The following COL25A1 variants were observed in gnomAD, a reference collection of about 807,000 sequenced individuals.
The protein encoded by COL25A1 is collagen type XXV alpha 1 chain.
A neutral mutation model predicts 128.4 loss-of-function variants in COL25A1; 103 were observed. The ratio of observed to expected loss-of-function variants is 0.80; its 90% CI spans 0.68 to 0.94. COL25A1 has a LOEUF of 0.94. COL25A1 is among the 40% of genes least tolerant of loss of function. COL25A1 has a pLI of 0.00. For synonymous variants in COL25A1, 279 were observed against 277.2 expected (o/e 1.01, Z -0.06); for missense variants, 745 against 840.0 (o/e 0.89, Z 1.40).
At position 109,089,696 on chromosome 4, in the gene COL25A1, C is replaced by T. The variant is rs28662207; in HGVS notation, c.368-39517G>A. Among the ~76,000 whole-genome samples the T allele has an allele frequency of 9.3e-3, 1,412 of 152,226 alleles. 24 individuals are homozygous for T. Among genetic ancestry groups the T allele is most frequent in the African/African-American group, 0.032 (1,333 of 41,532 alleles). On this transcript the variant is annotated intron_variant, in intron 3 of 37. Transcript: ENST00000399132. Reference sequence around the variant, plus strand: ...TCTCGGCTCACTGAAACCTCTGCCTCCTGAACTCAAGTGATTCTCCCAGTT... The same window carrying T: ...TCTCGGCTCACTGAAACCTCTGCCTTCTGAACTCAAGTGATTCTCCCAGTT...
chr4:109,165,098 G>T (rs1370217320), intron 3 of COL25A1, among the ~76,000 whole-genome samples: 2 of 152,290 alleles, frequency 1.3e-5, no homozygotes, highest in East Asian at 1.9e-4. Context: ...CATAGAACTA[G>T]ACTGTGTATT....
At chr4:109,045,916 C>T (rs75796260) in intron 5 of COL25A1, among the ~76,000 whole-genome samples, 5 of 152,152 alleles carry the variant, frequency 3.3e-5, no homozygotes, top group East Asian at 1.9e-4. Context: ...TTTGCAGTTT[C>T]GGCCATAATT....
At chr4:109,259,490 T>A (rs989097886) in intron 3 of COL25A1, among the ~76,000 whole-genome samples, 1 of 152,184 alleles carries the variant, frequency 6.6e-6, no homozygotes, top group Admixed American at 6.5e-5. Context: ...TCTGTCACTG[T>A]GACTAATGGC....
chr4:109,272,845 G>T (rs142426945), intron 3 of COL25A1, among the ~76,000 whole-genome samples: 180 of 152,256 alleles, frequency 1.2e-3, no homozygotes, highest in Admixed American at 1.8e-3. Flanking sequence ...CCAGGCAGGG[G>T]AGACAAAGTC....
At chr4:108,985,230 C>T (rs1049646435) in intron 6 of COL25A1, among the ~76,000 whole-genome samples, 3 of 152,140 alleles carry the variant, frequency 2.0e-5, no homozygotes, top group African/African-American at 7.2e-5. Flanking sequence ...AACACTGTAC[C>T]TACCCACTTC....
At chr4:109,091,275 C>T (rs1439983959) in intron 3 of COL25A1, among the ~76,000 whole-genome samples, 1 of 152,156 alleles carries the variant, frequency 6.6e-6, no homozygotes, top group Non-Finnish European at 1.5e-5. Context: ...TTTGCTTTTT[C>T]TCTCTGTGTT....
chr4:109,223,744 G>A (rs1400940088), intron 3 of COL25A1, among the ~76,000 whole-genome samples: 1 of 152,080 alleles, frequency 6.6e-6, no homozygotes, highest in East Asian at 1.9e-4. Flanking sequence ...ATAATCAGCC[G>A]ATTATTTAAC....
In COL25A1 at chr4:109,107,627, C is replaced by G. The variant is rs140700995; in HGVS notation, c.368-57448G>C. ...GAGATGAGGATCAGCTATTGCTCCC[C>G]TTTCATCATGTGATTTTACATAAAA... On this transcript the variant is annotated intron_variant, in intron 3 of 37. Transcript: ENST00000399132. Among the ~76,000 whole-genome samples the G allele has an allele frequency of 6.3e-4, 96 of 152,262 alleles. No homozygotes were observed. The East Asian group carries it at 0.018, about 28-fold the overall frequency.
chr4:108,826,276 G>A (rs1487786524), intron 33 of COL25A1, among the ~76,000 whole-genome samples: 1 of 152,130 alleles, frequency 6.6e-6, no homozygotes, highest in Non-Finnish European at 1.5e-5. Context: ...AGTGTCTCAC[G>A]CCTATAAATC....
intron 3 of COL25A1, among the ~76,000 whole-genome samples, chr4:109,287,272 T>C (rs1449776311): frequency 6.6e-6 from 1 of 152,126 alleles, no homozygotes; most frequent in Non-Finnish European, 1.5e-5. Flanking sequence ...TCATCTAATG[T>C]TTAGGTGAAG....
intron 13 of COL25A1, among the ~76,000 whole-genome samples, chr4:108,912,469 A>C (rs1352201508): frequency 6.6e-6 from 1 of 152,190 alleles, no homozygotes; most frequent in African/African-American, 2.4e-5. Context: ...CAATCACTTA[A>C]TTTAGTCTCA....
At chr4:109,001,208 G>C (rs6816925) in intron 6 of COL25A1, among the ~76,000 whole-genome samples, 121,045 of 152,160 alleles carry the variant, frequency 0.8, 49,326 homozygotes, top group East Asian at 1. Flanking sequence ...TAGGATACTA[G>C]TGGTTGATAG....
At chr4:108,891,616 C>T (rs1741512838) in intron 16 of COL25A1, among the ~76,000 whole-genome samples, 1 of 152,020 alleles carries the variant, frequency 6.6e-6, no homozygotes, top group African/African-American at 2.4e-5. Flanking sequence ...ATAAAGGGGG[C>T]AGATATTACT....
chr4:108,822,830 A>G (rs1421822177), intron 35 of COL25A1, among the ~76,000 whole-genome samples: 2 of 152,274 alleles, frequency 1.3e-5, no homozygotes, highest in Non-Finnish European at 2.9e-5. Flanking sequence ...TCAGAATAAA[A>G]GAATTTTTTA....
At chr4:109,000,694 C>T (rs376553022) in intron 6 of COL25A1, among the ~76,000 whole-genome samples, 7,751 of 130,550 alleles carry the variant, frequency 0.059, 287 homozygotes, top group Non-Finnish European at 0.087. Context: ...TGCAGTGAGC[C>T]GATATTGTGC....
In COL25A1 at chr4:108,817,418, G is replaced by C. The variant is rs778601376; in HGVS notation, c.1941C>G (p.Pro647=). ...APCQLGPDGL[P]MPGCWQK ...CTACCTTTTGCCAACAGCCAGGCAT[G>C]GGTAAGCCATCTGGCCCCTGTTTTA... Residue 647 remains proline, a synonymous_variant, in exon 37 of 38, where the codon CCC becomes CCG. Coordinates refer to ENST00000399132, the MANE Select transcript of COL25A1 (RefSeq NM_198721.4). The C allele has an allele frequency of 6.2e-7, 1 of 1,613,282 alleles. No homozygotes were observed.
intron 3 of COL25A1, among the ~76,000 whole-genome samples, chr4:109,276,480 A>G (rs1722859370): frequency 6.6e-6 from 1 of 152,116 alleles, no homozygotes; most frequent in Non-Finnish European, 1.5e-5. Flanking sequence ...GTAGGTGCTT[A>G]ATAACTATTT....
At chr4:109,144,122 T>C in intron 3 of COL25A1, among the ~76,000 whole-genome samples, 1 of 152,192 alleles carries the variant, frequency 6.6e-6, no homozygotes, top group East Asian at 1.9e-4. Context: ...TCTTTTCTGT[T>C]CCTTAGTTTT....
chr4:108,901,174 T>G lies in COL25A1; in HGVS notation c.781-2A>C, dbSNP rs1163838937. 1.2e-6 allele frequency: 2 copies of G among 1,609,106 alleles called. No homozygotes were observed. The highest frequency in any genetic ancestry group is 2.2e-5 in the South Asian group (2 of 90,884). On this transcript the variant is annotated splice_acceptor_variant, in intron 13 of 37. Coordinates refer to ENST00000399132, the MANE Select transcript of COL25A1 (RefSeq NM_198721.4). LOFTEE classifies it high-confidence loss of function. The stretch of plus-strand genomic sequence containing the variant: ...TGCTCCAGGCAACCCGGGCTCACCC[T>G]CAAAATAGAAAAATAGATACTACTA...
Sources: allele counts gnomAD v4.1 joint callset (sites outside exome capture counted in the v4.1 genomes callset), GRCh38; gene constraint gnomAD v4.1.1; transcripts MANE v1.5; gene names NCBI Gene and HGNC (gene_info 2026-07-23, HGNC 2026-07-21).